The following GABRG3 variants were observed in gnomAD, a reference collection of about 807,000 sequenced individuals.
GABRG3 encodes gamma-aminobutyric acid receptor subunit gamma-3.
Under a neutral mutation model 48.8 loss-of-function variants are expected in GABRG3, and 25 were observed. The ratio of observed to expected loss-of-function variants is 0.51; its 90% CI spans 0.37 to 0.72. GABRG3 has a LOEUF of 0.72. GABRG3 is among the 30% of genes least tolerant of loss of function. The probability of loss-of-function intolerance (pLI) is 0.00; values close to 1 mark genes in which losing one functional copy is unlikely to be tolerated. For missense variants in GABRG3, 394 were observed against 577.9 expected (o/e 0.68, Z 3.26); for synonymous variants, 227 against 217.6 (o/e 1.04, Z -0.38).
chr15:27,448,723 C>T (rs1889018268), intron 5 of GABRG3, among the ~76,000 whole-genome samples: 1 of 152,040 alleles, frequency 6.6e-6, no homozygotes, highest in African/African-American at 2.4e-5. Flanking sequence ...TACAAAACTA[C>T]ACAAAAAGCA....
chr15:27,353,464 G>T (rs1894711500), intron 5 of GABRG3, among the ~76,000 whole-genome samples: 1 of 102,194 alleles, frequency 9.8e-6, no homozygotes, highest in South Asian at 3.5e-4. Flanking sequence ...TTATTTTTGA[G>T]ATGGAGTTTC....
chr15:27,220,052 G>A (rs1007988232), intron 3 of GABRG3, among the ~76,000 whole-genome samples: 2 of 152,082 alleles, frequency 1.3e-5, no homozygotes, highest in African/African-American at 4.8e-5. Context: ...CAAGAGAGAG[G>A]CATTTATCAC....
intron 3 of GABRG3, among the ~76,000 whole-genome samples, chr15:27,041,405 C>G (rs559693098): frequency 6.6e-6 from 1 of 152,124 alleles, no homozygotes; most frequent in Non-Finnish European, 1.5e-5. Context: ...TGGTCTCAAA[C>G]TCCTGAGCTC....
chr15:27,339,140 C>A (rs1430945620), intron 5 of GABRG3, among the ~76,000 whole-genome samples: 2 of 152,180 alleles, frequency 1.3e-5, no homozygotes, highest in African/African-American at 4.8e-5. Flanking sequence ...CTCTAAATGG[C>A]AGCTTCTGCA....
At chr15:27,143,815 T>G (rs1473721369) in intron 3 of GABRG3, among the ~76,000 whole-genome samples, 4 of 152,208 alleles carry the variant, frequency 2.6e-5, no homozygotes, top group African/African-American at 9.6e-5. Flanking sequence ...AAAACTGATT[T>G]GGATGTTTAT....
rs1890419101 is a variant in GABRG3 at position 27,493,908 on chromosome 15, T to G, written c.712+13121T>G. Among the ~76,000 whole-genome samples, 7 of 152,190 alleles carry G rather than the reference T, an allele frequency of 4.6e-5. No homozygotes were observed. The South Asian group carries it at 1.4e-3, about 32-fold the overall frequency. On this transcript the variant is annotated intron_variant, in intron 6 of 9. Coordinates refer to ENST00000615808, the MANE Select transcript of GABRG3 (RefSeq NM_033223.5). Reference sequence around the variant, plus strand: ...TAAGAGGGAAATAAAGGAATTATTGTAGGTCTTAGGTGTTTGGATGGAAGG... The same window carrying G: ...TAAGAGGGAAATAAAGGAATTATTGGAGGTCTTAGGTGTTTGGATGGAAGG...
chr15:26,977,057 G>A lies in GABRG3; in HGVS notation c.109G>A (p.Val37Ile). 3 of 1,613,920 alleles carry A rather than the reference G, an allele frequency of 1.9e-6. No homozygotes were observed. Among genetic ancestry groups the A allele is most frequent in the East Asian group, 2.2e-5 (1 of 44,876 alleles). Residue 37 changes from valine to isoleucine, a missense_variant, in exon 2 of 10, where the codon GTC (valine) becomes ATC (isoleucine). Val to Ile is a conservative substitution (Grantham distance 29). Coordinates refer to ENST00000615808, the MANE Select transcript of GABRG3 (RefSeq NM_033223.5). The stretch of plus-strand genomic sequence containing the variant: ...AGATTCATCATCAAACCAAAAGTGG[G>A]TCTTGGCTCCAAAATCCCAAGACAC... ...YEDSSSNQKW[V>I]LAPKSQDTDV...
intron 6 of GABRG3, among the ~76,000 whole-genome samples, chr15:27,514,065 C>T (rs544700633): frequency 3.4e-4 from 52 of 152,252 alleles, no homozygotes; most frequent in African/African-American, 1.1e-3. Context: ...TAATTTATTC[C>T]AATCAAAATA....
At chr15:27,397,971 A>C (rs1887363779) in intron 5 of GABRG3, among the ~76,000 whole-genome samples, 1 of 151,476 alleles carries the variant, frequency 6.6e-6, no homozygotes, top group East Asian at 2.0e-4. Flanking sequence ...CGCCCGGCTA[A>C]ATTTTTGTAT....
intron 3 of GABRG3, among the ~76,000 whole-genome samples, chr15:27,289,700 GT>G (rs1891734899): frequency 5.3e-5 from 8 of 152,152 alleles, no homozygotes; most frequent in Admixed American, 5.2e-4. Flanking sequence ...TGGGATCTGG[GT>G]TTCCCACAGT....
chr15:26,972,693 T>C (rs1295267353), intron 1 of GABRG3, among the ~76,000 whole-genome samples: 1 of 152,154 alleles, frequency 6.6e-6, no homozygotes, highest in Non-Finnish European at 1.5e-5. Context: ...TTTTCATTCC[T>C]ATTTGTGAAC....
At chr15:27,198,062 G>A (rs1227990221) in intron 3 of GABRG3, among the ~76,000 whole-genome samples, 9 of 152,004 alleles carry the variant, frequency 5.9e-5, no homozygotes, top group Admixed American at 5.3e-4. Context: ...CAGCTCCTAG[G>A]TAATACCATT....
At chr15:27,189,693 C>G (rs188287952) in intron 3 of GABRG3, among the ~76,000 whole-genome samples, 1 of 152,176 alleles carries the variant, frequency 6.6e-6, no homozygotes, top group Non-Finnish European at 1.5e-5. Flanking sequence ...ATTTGACTTC[C>G]TCTTTTCCTA....
intron 2 of GABRG3, among the ~76,000 whole-genome samples, chr15:27,003,733 T>C (rs1159826904): frequency 2.0e-5 from 3 of 152,080 alleles, no homozygotes; most frequent in Admixed American, 6.5e-5. Flanking sequence ...CAATGAGCTG[T>C]TGGGTACACC....
chr15:27,398,567 A>G (rs1163029720), intron 5 of GABRG3, among the ~76,000 whole-genome samples: 1 of 151,942 alleles, frequency 6.6e-6, no homozygotes, highest in Non-Finnish European at 1.5e-5. Context: ...ATATGTGCTG[A>G]TTTTCTACCA....
At chr15:27,047,598 G>T (rs1356017101) in intron 3 of GABRG3, among the ~76,000 whole-genome samples, 1 of 152,200 alleles carries the variant, frequency 6.6e-6, no homozygotes, top group Non-Finnish European at 1.5e-5. Flanking sequence ...TAATACTTGA[G>T]AAATATTTGG....
intron 3 of GABRG3, among the ~76,000 whole-genome samples, chr15:27,109,860 C>T (rs976584778): frequency 4.0e-5 from 6 of 151,708 alleles, no homozygotes; most frequent in African/African-American, 7.3e-5. Context: ...CTAGCCTGGG[C>T]GACAGAGCGA....
In GABRG3 at chr15:27,387,899, G is replaced by T. The variant is rs553440219; in HGVS notation, c.574+59011G>T. On this transcript the variant is annotated intron_variant, in intron 5 of 9. Coordinates refer to ENST00000615808, the MANE Select transcript of GABRG3 (RefSeq NM_033223.5). Reference sequence around the variant, plus strand: ...GGAGGGAGGGGAAGGAGGGAAGGAAGGAAGGAGGGAAGGAGGGAAGGAGGG... The same window carrying T: ...GGAGGGAGGGGAAGGAGGGAAGGAATGAAGGAGGGAAGGAGGGAAGGAGGG... 5.5e-3 allele frequency among the ~76,000 whole-genome samples: 257 copies of T among 46,638 alleles called. 3 individuals carry two copies. The highest frequency in any genetic ancestry group is 0.014 in the Middle Eastern group (1 of 72). 30.6% of individuals were successfully genotyped at this position (46,638 alleles called of 152,430 possible).
At chr15:27,251,129 CTTG>C (rs1292943788) in intron 3 of GABRG3, among the ~76,000 whole-genome samples, 6 of 152,202 alleles carry the variant, frequency 3.9e-5, no homozygotes, top group South Asian at 2.1e-4. Context: ...GAAGGTCAAC[CTTG>C]TTGTTCTGAT....
Sources: allele counts gnomAD v4.1 joint callset (sites outside exome capture counted in the v4.1 genomes callset), GRCh38; gene constraint gnomAD v4.1.1; transcripts MANE v1.5; gene names NCBI Gene and HGNC (gene_info 2026-07-23, HGNC 2026-07-21).